Variants in IRF2 observed in about 807,000 individuals in gnomAD.
IRF2 encodes interferon regulatory factor 2.
In IRF2, 15 loss-of-function variants were observed where a neutral mutation model predicts 40.6. The ratio of observed to expected loss-of-function variants is 0.37; its 90% CI spans 0.25 to 0.57. The LOEUF (loss-of-function observed/expected upper bound fraction) is 0.57, where lower values mean the gene tolerates loss of function less well. Ranked by LOEUF, IRF2 falls within the 20% of genes least tolerant of loss-of-function variation. The probability of loss-of-function intolerance (pLI) is 0.77; values close to 1 mark genes in which losing one functional copy is unlikely to be tolerated. For synonymous variants in IRF2, 151 were observed against 165.5 expected (o/e 0.91, Z 0.67); for missense variants, 317 against 455.7 (o/e 0.70, Z 2.77).
chr4:184,465,135 TCA>T (rs1446583516), intron 1 of IRF2, among the ~76,000 whole-genome samples: 1 of 152,112 alleles, frequency 6.6e-6, no homozygotes, highest in Non-Finnish European at 1.5e-5. Flanking sequence ...CTCAAGCCCT[TCA>T]CAGTTACTGA....
At position 184,389,050 on chromosome 4, in the gene IRF2, C is replaced by T. The variant is rs541749119; in HGVS notation, c.758G>A (p.Arg253Gln). 3.5e-5 allele frequency: 56 copies of T among 1,614,140 alleles called. No homozygotes were observed. Among genetic ancestry groups the T allele is most frequent in the Middle Eastern group, 1.6e-4 (1 of 6,062 alleles). ...CTGTTTGCCTTCAATATTCCTCTTC[C>T]GCCAGTGTGGCCGCCCCTTTCAAGA... is the stretch of plus-strand genomic sequence containing the variant. ...EESAEGRPHW[R>Q]KRNIEGKQYL... Residue 253 changes from arginine (R) to glutamine (Q), a missense_variant, in exon 9 of 9, where the codon CGG becomes CAG. This residue lies in a region of IRF2 where 262 missense variants were observed against 334.0 expected (regional missense o/e 0.78). Transcript: ENST00000393593.
chr4:184,388,513 G>A lies in IRF2; in HGVS notation c.*245C>T. 4.0e-6 allele frequency: 2 copies of A among 498,250 alleles called. No individual in the cohort carries two copies. The highest frequency in any genetic ancestry group is 7.0e-6 in the Non-Finnish European group (2 of 285,292). 30.9% of individuals were successfully genotyped at this position (498,250 alleles called of 1,614,324 possible). A position where few individuals can be genotyped will look rare whatever the true frequency, so the allele number is the denominator to read the frequency against. On this transcript the variant is annotated 3_prime_UTR_variant, in exon 9 of 9. Transcript: ENST00000393593. This position sits in a 1 kb window ranked among gnomAD's most constrained non-coding sequence, Gnocchi z 4.6. The stretch of plus-strand genomic sequence containing the variant: ...ACCTCCACTGCCCTTGTTGGTCCTT[G>A]AACTTGAGTGAGTAGCCCTGGGAGA...
chr4:184,399,745 T>C (rs1736600867), intron 6 of IRF2, among the ~76,000 whole-genome samples: 1 of 152,212 alleles, frequency 6.6e-6, no homozygotes, highest in Admixed American at 6.5e-5. Context: ...ATCAGCACAA[T>C]GGAATAGAGT....
chr4:184,466,127 T>C (rs2149919342), intron 1 of IRF2, among the ~76,000 whole-genome samples: 2 of 150,040 alleles, frequency 1.3e-5, no homozygotes, highest in East Asian at 4.1e-4. Flanking sequence ...CTCGGCTCAC[T>C]GCAACCTCCG....
At chr4:184,407,551 G>A (rs549311505) in intron 6 of IRF2, among the ~76,000 whole-genome samples, 112 of 152,244 alleles carry the variant, frequency 7.4e-4, no homozygotes, top group African/African-American at 2.3e-3. Flanking sequence ...TTTTTCTCTC[G>A]CCTTTCTTTT....
At chr4:184,403,193 G>A (rs1177746316) in intron 6 of IRF2, among the ~76,000 whole-genome samples, 1 of 152,202 alleles carries the variant, frequency 6.6e-6, no homozygotes, top group Non-Finnish European at 1.5e-5. Context: ...GAAAGCCCAT[G>A]AGAGAAGCAG....
rs1169287321 is a variant in IRF2, at chr4:184,388,825, C to T, written c.983G>A (p.Arg328Gln). The T allele has an allele frequency of 8.1e-6, 13 of 1,613,832 alleles. No homozygotes were observed. The highest frequency in any genetic ancestry group is 2.7e-5 in the African/African-American group (2 of 74,882). The change falls in exon 9 of 9, where the codon CGG becomes CAG. Residue 328 changes from arginine to glutamine, a missense_variant. Transcript: ENST00000393593. The surrounding 1 kb of genome is among the most constrained non-coding windows in gnomAD (Gnocchi z 4.6). ...CTTGATGACGCTGGCCCGGGTCTCC[C>T]GGTCTGGCCGACTGCTGCTGGATGC... ...TPASSSSRPD[R>Q]ETRASVIKKT...
chr4:184,396,596 G>A (rs1005997755), intron 7 of IRF2, among the ~76,000 whole-genome samples: 2 of 151,438 alleles, frequency 1.3e-5, no homozygotes, highest in Non-Finnish European at 2.9e-5. Flanking sequence ...CACCACACCC[G>A]GTTAACTTTT....
chr4:184,392,955 T>C (rs915835497), intron 7 of IRF2, among the ~76,000 whole-genome samples: 2 of 151,872 alleles, frequency 1.3e-5, no homozygotes, highest in African/African-American at 2.4e-5. Context: ...GCCCTCAGCC[T>C]CAGCTGACGA....
intron 7 of IRF2, among the ~76,000 whole-genome samples, chr4:184,390,961 T>C (rs551096232): frequency 6.6e-6 from 1 of 152,364 alleles, no homozygotes; most frequent in East Asian, 1.9e-4. Context: ...GGAGGCTCCC[T>C]TGGCCAGGGC....
At chr4:184,402,723 C>T (rs916538702) in intron 6 of IRF2, among the ~76,000 whole-genome samples, 2 of 152,188 alleles carry the variant, frequency 1.3e-5, no homozygotes, top group African/African-American at 4.8e-5. Context: ...AATGTCAAGA[C>T]TTCTGACAAG....
intron 1 of IRF2, among the ~76,000 whole-genome samples, chr4:184,439,315 A>T (rs980097290): frequency 3.7e-5 from 3 of 81,386 alleles, no homozygotes; most frequent in African/African-American, 1.9e-4. Context: ...TAAAACTTTA[A>T]AAAAAAAAAA....
intron 6 of IRF2, among the ~76,000 whole-genome samples, chr4:184,406,325 G>T (rs1461964178): frequency 6.6e-6 from 1 of 151,618 alleles, no homozygotes; most frequent in African/African-American, 2.4e-5. Flanking sequence ...CGCCTCCTGG[G>T]TTCAATCGAT....
At chr4:184,417,675 T>C (rs778539350) in intron 5 of IRF2, among the ~76,000 whole-genome samples, 8 of 152,298 alleles carry the variant, frequency 5.3e-5, no homozygotes, top group East Asian at 1.9e-4. Context: ...AGGCAGCCAT[T>C]GAGAGCTGTT....
At chr4:184,402,433 C>T (rs559680413) in intron 6 of IRF2, among the ~76,000 whole-genome samples, 26 of 152,316 alleles carry the variant, frequency 1.7e-4, no homozygotes, top group Middle Eastern at 3.4e-3. Flanking sequence ...TGGGCCGCGA[C>T]CTTGTGACAC....
intron 7 of IRF2, among the ~76,000 whole-genome samples, chr4:184,395,398 G>T (rs1277831662): frequency 9.0e-6 from 1 of 110,856 alleles, no homozygotes; most frequent in Non-Finnish European, 1.7e-5. Flanking sequence ...GGGCGACAGA[G>T]CGAGACTCCG....
chr4:184,418,741 AG>A (rs776421591), intron 3 of IRF2, 33 bp from the exon 4 acceptor site: 7 of 1,562,934 alleles, frequency 4.5e-6, no homozygotes, highest in Non-Finnish European at 6.1e-6. Flanking sequence ...AGAAAAAGAG[AG>A]AAAACATTAG....
At chr4:184,440,381 G>A (rs1032692966) in intron 1 of IRF2, among the ~76,000 whole-genome samples, 2 of 152,240 alleles carry the variant, frequency 1.3e-5, no homozygotes, top group Non-Finnish European at 2.9e-5. Context: ...TGTCTGCTGG[G>A]TGAGAGTACA....
intron 7 of IRF2, among the ~76,000 whole-genome samples, chr4:184,397,967 G>T (rs760320637): frequency 3.5e-4 from 53 of 152,168 alleles, no homozygotes; most frequent in Admixed American, 3.3e-3. Context: ...CTCTGCCTGG[G>T]CCAACTCCTG....
Sources: allele counts gnomAD v4.1 joint callset (sites outside exome capture counted in the v4.1 genomes callset), GRCh38; gene constraint gnomAD v4.1.1; regional missense constraint gnomAD v4.1.1; non-coding constraint Gnocchi (gnomAD v3.1); transcripts MANE v1.5; gene names NCBI Gene and HGNC (gene_info 2026-07-23, HGNC 2026-07-21).